SEC24B: variants seen among roughly 807,000 people sequenced by gnomAD.
SEC24B encodes SEC24 homolog B, COPII component.
A neutral mutation model predicts 142.8 loss-of-function variants in SEC24B; 45 were observed. The ratio of observed to expected loss-of-function variants is 0.32; its 90% confidence interval spans 0.25 to 0.40. SEC24B has a LOEUF of 0.40. Ranked by LOEUF, SEC24B falls within the 10% of genes least tolerant of loss-of-function variation. The pLI is 1.00. For synonymous variants in SEC24B, 574 were observed against 568.2 expected (o/e 1.01, Z -0.15); for missense variants, 1,409 against 1,526.8 (o/e 0.92, Z 1.29).
intron 1 of SEC24B, among the ~76,000 whole-genome samples, chr4:109,442,649 AAAC>A (rs1729046681): frequency 6.6e-6 from 1 of 152,214 alleles, no homozygotes; most frequent in Non-Finnish European, 1.5e-5. Context: ...AATATTAATG[AAAC>A]AACTATTTTT....
intron 10 of SEC24B, 119 bp from the exon 11 acceptor site, chr4:109,516,409 A>T: frequency 1.6e-6 from 1 of 615,236 alleles, no homozygotes; most frequent in Non-Finnish European, 2.8e-6. Context: ...ACAAAATAGC[A>T]ATCCTATTTG....
intron 6 of SEC24B, among the ~76,000 whole-genome samples, chr4:109,496,547 A>G (rs1242150876): frequency 6.6e-6 from 1 of 152,216 alleles, no homozygotes; most frequent in Non-Finnish European, 1.5e-5. Context: ...GTAGTGGCTT[A>G]CTCATGTAGT....
chr4:109,451,066 A>G (rs535585968), intron 1 of SEC24B: 92 of 152,226 alleles, frequency 6.0e-4, no homozygotes, highest in African/African-American at 2.1e-3. Flanking sequence ...CCACAGCACC[A>G]GCTACTGTGG....
intron 6 of SEC24B, among the ~76,000 whole-genome samples, chr4:109,504,688 C>A (rs535545179): frequency 1.6e-4 from 24 of 152,230 alleles, no homozygotes; most frequent in Non-Finnish European, 2.9e-4. Context: ...TTGATTAGTG[C>A]CTCATACAAT....
intron 6 of SEC24B, among the ~76,000 whole-genome samples, chr4:109,496,529 A>G (rs1417783127): frequency 6.6e-6 from 1 of 152,216 alleles, no homozygotes; most frequent in African/African-American, 2.4e-5. Flanking sequence ...TAGGATAATC[A>G]GTGAGGAGTA....
chr4:109,504,274 G>A (rs1736467920), intron 6 of SEC24B, among the ~76,000 whole-genome samples: 2 of 152,096 alleles, frequency 1.3e-5, no homozygotes, highest in African/African-American at 4.8e-5. Flanking sequence ...TTAAAATTCA[G>A]TCTATATTCA....
chr4:109,501,396 G>A (rs971521252), intron 6 of SEC24B, among the ~76,000 whole-genome samples: 20 of 152,290 alleles, frequency 1.3e-4, no homozygotes, highest in African/African-American at 3.9e-4. Context: ...ATTAAGCGAC[G>A]TGACTACACA....
chr4:109,533,494 G>A, intron 21 of SEC24B, 99 bp from the exon 22 acceptor site: 1 of 782,798 alleles, frequency 1.3e-6, no homozygotes, highest in Non-Finnish European at 2.2e-6. Flanking sequence ...TTACTCTTCT[G>A]TTTGTTTCTA....
Position 109,513,837 on chromosome 4 carries a change from T to G in SEC24B, c.1994T>G (p.Ile665Ser), listed in dbSNP as rs200771659. ...GTTCAGAATTCAACTGTGGAGTTCA[T>G]TGCTTCTTCAGATTACATGGTAACT... ...PEVQNSTVEFIASSDYMLRPP... is the reference protein window; with the variant it reads ...PEVQNSTVEFSASSDYMLRPP... The change falls in exon 10 of 24, where the codon ATT becomes AGT. Residue 665 changes from isoleucine (I) to serine (S), a missense_variant. Ile to Ser is a moderately radical substitution (Grantham distance 142). Around this residue, in one of 2 missense-constraint regions of SEC24B, gnomAD observed 700 missense variants for 853.3 expected, o/e 0.82. Transcript: ENST00000265175. The G allele has an allele frequency of 2.4e-5, 39 of 1,605,958 alleles. No homozygotes were observed. In the African/African-American group the frequency reaches 5.2e-4, roughly 21 times the overall value.
intron 1 of SEC24B, among the ~76,000 whole-genome samples, chr4:109,462,286 A>T (rs1165950868): frequency 2.0e-5 from 3 of 152,210 alleles, no homozygotes; most frequent in Non-Finnish European, 4.4e-5. Context: ...CCCTAAGCTT[A>T]ACAACTTGTA....
intron 1 of SEC24B, among the ~76,000 whole-genome samples, chr4:109,437,927 A>G (rs975712273): frequency 1.3e-5 from 2 of 152,300 alleles, no homozygotes; most frequent in Admixed American, 1.3e-4. Flanking sequence ...CTGGCCCACA[A>G]ACGTTTTTTA....
intron 6 of SEC24B, among the ~76,000 whole-genome samples, chr4:109,499,526 A>G (rs1354402646): frequency 6.6e-6 from 1 of 152,186 alleles, no homozygotes; most frequent in Non-Finnish European, 1.5e-5. Context: ...TTTATCATAC[A>G]TAAACGCACA....
Position 109,513,868 on chromosome 4 carries a change from G to A in SEC24B, c.2013+12G>A. ...CTTCAGATTACATGGTAACTATTCA[G>A]TGTTAAGATTTGTTATGGAACACAA... On this transcript the variant is annotated intron_variant, in intron 10 of 23. Transcript: ENST00000265175. The A allele has an allele frequency of 6.6e-7, 1 of 1,509,826 alleles. No individual in the cohort carries two copies. Among genetic ancestry groups the A allele is most frequent in the Non-Finnish European group, 9.2e-7 (1 of 1,085,536 alleles). The allele number at this position is 1,509,826 out of a possible 1,614,324, so 93.5% of individuals were successfully genotyped here.
chr4:109,503,900 C>G (rs1736428173), intron 6 of SEC24B, among the ~76,000 whole-genome samples: 1 of 151,990 alleles, frequency 6.6e-6, no homozygotes, highest in African/African-American at 2.4e-5. Flanking sequence ...GATAATGTAT[C>G]TTCTCTCTCT....
intron 6 of SEC24B, among the ~76,000 whole-genome samples, chr4:109,495,910 C>G (rs1735495211): frequency 6.6e-6 from 1 of 152,070 alleles, no homozygotes; most frequent in Non-Finnish European, 1.5e-5. Context: ...TGAGGATTCC[C>G]ATACCCTCAC....
At chr4:109,434,760 C>CA (rs1230916157) in intron 1 of SEC24B, among the ~76,000 whole-genome samples, 1 of 152,148 alleles carries the variant, frequency 6.6e-6, no homozygotes, top group African/African-American at 2.4e-5. Context: ...GCTCCACTTT[C>CA]AGAGATGAAA....
At chr4:109,489,643 G>GATATATT (rs61653981) in intron 4 of SEC24B, among the ~76,000 whole-genome samples, 2 of 142,334 alleles carry the variant, frequency 1.4e-5, no homozygotes, top group African/African-American at 5.4e-5. Flanking sequence ...GTATATATAT[G>GATATATT]ATATATATGG....
chr4:109,512,183 G>T, intron 9 of SEC24B, 100 bp downstream of exon 9: 1 of 1,078,550 alleles, frequency 9.3e-7, no homozygotes, highest in Non-Finnish European at 1.3e-6. Flanking sequence ...GCTTTAAAAA[G>T]AATTTTCATG....
In SEC24B at chr4:109,462,045, A is replaced by G. The variant is rs1022381490; in HGVS notation, c.134-856A>G. 2.0e-5 allele frequency among the ~76,000 whole-genome samples: 3 copies of G among 152,006 alleles called. No homozygotes were observed. In the South Asian group the frequency reaches 6.2e-4, roughly 31 times the overall value. On this transcript the variant is annotated intron_variant, in intron 1 of 23. Coordinates refer to ENST00000265175, the MANE Select transcript of SEC24B (RefSeq NM_006323.5). ...TCTCTGTAAAAAATAAATAAGTAAA[A>G]ATTAGCTGGTCACCATGGTGCACGC... is the stretch of plus-strand genomic sequence containing the variant.
Sources: allele counts gnomAD v4.1 joint callset (sites outside exome capture counted in the v4.1 genomes callset), GRCh38; gene constraint gnomAD v4.1.1; regional missense constraint gnomAD v4.1.1; transcripts MANE v1.5; gene names NCBI Gene and HGNC (gene_info 2026-07-23, HGNC 2026-07-21).